CNTN5: variants seen among roughly 807,000 people sequenced by gnomAD.
The protein encoded by CNTN5 is contactin-5.
A neutral mutation model predicts 129.1 loss-of-function variants in CNTN5; 77 were observed. The observed-to-expected ratio is 0.60, with a 90% CI of 0.50 to 0.72. The LOEUF is 0.72. Ranked by LOEUF, CNTN5 falls within the 30% of genes least tolerant of loss-of-function variation. The pLI is 0.00. For missense variants in CNTN5, 1,478 were observed against 1,328.8 expected (o/e 1.11, Z -1.75); for synonymous variants, 509 against 465.6 (o/e 1.09, Z -1.20).
chr11:99,832,212 C>T (rs1461177526), intron 4 of CNTN5, among the ~76,000 whole-genome samples: 1 of 152,046 alleles, frequency 6.6e-6, no homozygotes, highest in Non-Finnish European at 1.5e-5. Context: ...AAGTCATTAG[C>T]AAAAAAGCAA....
In CNTN5 at chr11:100,103,221, G is replaced by A. The variant is rs138065634; in HGVS notation, c.1580+28927G>A. ...AGAGCAATTAGCACGGGCACATTCT[G>A]AATGCCTTTTAGCCCTTGCTTAAAC... On this transcript the variant is annotated intron_variant, in intron 13 of 24. Coordinates refer to ENST00000524871, the MANE Select transcript of CNTN5 (RefSeq NM_014361.4). Among the ~76,000 whole-genome samples the A allele has an allele frequency of 8.3e-4, 127 of 152,298 alleles. 1 individual carries two copies. The highest frequency in any genetic ancestry group is 3.0e-3 in the African/African-American group (125 of 41,576).
intron 8 of CNTN5, among the ~76,000 whole-genome samples, chr11:99,978,193 A>T (rs534097958): frequency 1.3e-5 from 2 of 152,232 alleles, no homozygotes; most frequent in Non-Finnish European, 2.9e-5. Flanking sequence ...TAGAATAAAG[A>T]TCTAAAGAAA....
Position 99,844,872 on chromosome 11 carries a change from G to C in CNTN5, c.298G>C (p.Val100Leu). The C allele has an allele frequency of 6.2e-7, 1 of 1,613,532 alleles. No individual in the cohort carries two copies. Among genetic ancestry groups the C allele is most frequent in the Non-Finnish European group, 8.5e-7 (1 of 1,179,654 alleles). ...TACAGAAAGTGTGGACTATGGGCCAGTTTTTGTGCAAGAACCAGATGATAT... is the reference window on the plus strand; with the variant it reads ...TACAGAAAGTGTGGACTATGGGCCACTTTTTGTGCAAGAACCAGATGATAT... Reference protein sequence around the residue: ...KQDESVDYGPVFVQEPDDIIF... With the variant: ...KQDESVDYGPLFVQEPDDIIF... The change falls in exon 5 of 25, where the codon GTT becomes CTT. Residue 100 changes from valine to leucine, a missense_variant. Coordinates refer to ENST00000524871, the MANE Select transcript of CNTN5 (RefSeq NM_014361.4).
intron 13 of CNTN5, among the ~76,000 whole-genome samples, chr11:100,158,478 A>G (rs1245544944): frequency 6.6e-6 from 1 of 151,934 alleles, no homozygotes; most frequent in Non-Finnish European, 1.5e-5. Flanking sequence ...TTGAATATAT[A>G]CCATTTTGTT....
At chr11:100,148,838 A>ATTGT (rs111242965) in intron 13 of CNTN5, among the ~76,000 whole-genome samples, 12,893 of 152,076 alleles carry the variant, frequency 0.085, 573 homozygotes, top group African/African-American at 0.11. Flanking sequence ...TATTTATTTG[A>ATTGT]TTGTTTGGTA....
Position 99,137,469 on chromosome 11 carries a change from G to A in CNTN5, c.-210+116199G>A, listed in dbSNP as rs17133150. Among the ~76,000 whole-genome samples the A allele has an allele frequency of 5.0e-3, 760 of 152,002 alleles. 6 individuals carry two copies. The highest frequency in any genetic ancestry group is 8.3e-3 in the Non-Finnish European group (566 of 67,926). The stretch of plus-strand genomic sequence containing the variant: ...TACGAGGTAGTTTCCATGTCACGAA[G>A]GTAAGAAAATATGTGGAGAATTGTT... On this transcript the variant is annotated intron_variant, in intron 1 of 24. Transcript: ENST00000524871.
At chr11:100,280,190 C>T (rs1454858375) in intron 18 of CNTN5, among the ~76,000 whole-genome samples, 2 of 151,814 alleles carry the variant, frequency 1.3e-5, no homozygotes, top group Admixed American at 6.6e-5. Context: ...AATATTAGGT[C>T]GATTTGGTCC....
chr11:99,898,503 C>A lies in CNTN5; in HGVS notation c.578-17551C>A, dbSNP rs74375718. Among the ~76,000 whole-genome samples, 47 of 152,008 alleles carry A rather than the reference C, an allele frequency of 3.1e-4. 1 individual carries two copies. Among genetic ancestry groups the A allele is most frequent in the African/African-American group, 1.1e-3 (44 of 41,488 alleles). On this transcript the variant is annotated intron_variant, in intron 6 of 24. Coordinates refer to ENST00000524871, the MANE Select transcript of CNTN5 (RefSeq NM_014361.4). ...AGCATAGTTCCTGCTTCAATAAGCT[C>A]ACTTATTCATTCACTCAATCACTGC...
At chr11:100,328,630 A>C (rs536214142) in intron 21 of CNTN5, among the ~76,000 whole-genome samples, 1 of 152,274 alleles carries the variant, frequency 6.6e-6, no homozygotes, top group Admixed American at 6.5e-5. Context: ...ATTCACTATC[A>C]AAAGAACAGC....
intron 18 of CNTN5, among the ~76,000 whole-genome samples, chr11:100,280,923 T>C (rs946892323): frequency 2.6e-5 from 4 of 152,134 alleles, no homozygotes; most frequent in African/African-American, 9.7e-5. Flanking sequence ...TAATAACTTA[T>C]CACTGTTTGC....
At chr11:99,993,205 A>G (rs1939231110) in intron 8 of CNTN5, among the ~76,000 whole-genome samples, 1 of 152,206 alleles carries the variant, frequency 6.6e-6, no homozygotes, top group African/African-American at 2.4e-5. Flanking sequence ...TGTAGTACAT[A>G]TAGTATGCCT....
intron 1 of CNTN5, among the ~76,000 whole-genome samples, chr11:99,243,470 G>T (rs1309119730): frequency 6.6e-6 from 1 of 151,800 alleles, no homozygotes; most frequent in African/African-American, 2.4e-5. Flanking sequence ...TTTTAATTAG[G>T]CCTTACTTGT....
intron 9 of CNTN5, among the ~76,000 whole-genome samples, chr11:100,017,205 C>T (rs1202692651): frequency 6.6e-6 from 1 of 151,822 alleles, no homozygotes; most frequent in Non-Finnish European, 1.5e-5. Flanking sequence ...GAAATGCAGC[C>T]TTCACAACAT....
chr11:99,704,012 T>C (rs548051323), intron 3 of CNTN5, among the ~76,000 whole-genome samples: 1 of 151,078 alleles, frequency 6.6e-6, no homozygotes, highest in African/African-American at 2.4e-5. Flanking sequence ...TTAAGCACCA[T>C]AATAAATGAA....
intron 1 of CNTN5, among the ~76,000 whole-genome samples, chr11:99,162,793 T>C (rs1258890337): frequency 6.6e-6 from 1 of 152,188 alleles, no homozygotes; most frequent in African/African-American, 2.4e-5. Flanking sequence ...ATAAATGGAT[T>C]ACAATTTTTA....
chr11:99,258,690 A>G (rs1862490154), intron 1 of CNTN5, among the ~76,000 whole-genome samples: 2 of 152,028 alleles, frequency 1.3e-5, no homozygotes, highest in East Asian at 1.9e-4. Flanking sequence ...ATGTCAAATT[A>G]TACGTTGTAT....
At chr11:99,937,766 C>A (rs752431178) in intron 7 of CNTN5, among the ~76,000 whole-genome samples, 2 of 152,160 alleles carry the variant, frequency 1.3e-5, no homozygotes, top group Non-Finnish European at 2.9e-5. Flanking sequence ...GGAAAGTACT[C>A]TAGTAGCAGC....
intron 1 of CNTN5, among the ~76,000 whole-genome samples, chr11:99,262,228 C>G (rs1862665873): frequency 6.6e-6 from 1 of 151,904 alleles, no homozygotes; most frequent in African/African-American, 2.4e-5. Flanking sequence ...AAGCTGCAAG[C>G]CTATTTTCCC....
intron 2 of CNTN5, among the ~76,000 whole-genome samples, chr11:99,523,276 A>G (rs1591211883): frequency 1.3e-5 from 2 of 152,176 alleles, no homozygotes; most frequent in East Asian, 3.8e-4. Context: ...ATACTGGTAC[A>G]GTAAATTACA....
Sources: allele counts gnomAD v4.1 joint callset (sites outside exome capture counted in the v4.1 genomes callset), GRCh38; gene constraint gnomAD v4.1.1; transcripts MANE v1.5; gene names NCBI Gene and HGNC (gene_info 2026-07-23, HGNC 2026-07-21).